Variants in ERC2 observed in about 807,000 individuals in gnomAD.
ERC2 encodes the protein ERC protein 2.
Under a neutral mutation model 114.8 loss-of-function variants are expected in ERC2, and 42 were observed. The ratio of observed to expected loss-of-function variants is 0.37; its 90% CI spans 0.29 to 0.47. The LOEUF is 0.47. Among genes scored for constraint, ERC2 ranks in the 20% least tolerant of loss-of-function variants. The pLI is 0.99. For synonymous variants in ERC2, 454 were observed against 425.5 expected (o/e 1.07, Z -0.82); for missense variants, 939 against 1,150.7 (o/e 0.82, Z 2.66).
At chr3:55,917,288 A>G (rs1396445173) in intron 13 of ERC2, among the ~76,000 whole-genome samples, 2 of 152,326 alleles carry the variant, frequency 1.3e-5, no homozygotes, top group African/African-American at 4.8e-5. Context: ...CTTGTTAATG[A>G]ATGTTCATAG....
At chr3:55,589,448 C>T (rs1401097990) in intron 17 of ERC2, among the ~76,000 whole-genome samples, 2 of 152,090 alleles carry the variant, frequency 1.3e-5, no homozygotes, top group South Asian at 4.1e-4. Context: ...CATGACTACA[C>T]GGGGAATGTT....
chr3:55,830,865 C>A (rs201496016), intron 14 of ERC2, among the ~76,000 whole-genome samples: 2 of 152,000 alleles, frequency 1.3e-5, no homozygotes, highest in East Asian at 3.9e-4. Flanking sequence ...GATCCCTTGA[C>A]CCCAGGAATT....
In ERC2 at chr3:56,296,304, A is replaced by G; in HGVS notation, c.789T>C (p.Phe263=). ...HFTIELTEEN[F]RRLQAEHDRQ... ...TGTCATGCTCGGCTTGGAGCCGCCT[A>G]AAGTTCTCCTCGGTCAGCTCGATGG... The change falls in exon 3 of 18, where the codon TTT becomes TTC. Residue 263 remains phenylalanine (F), a synonymous_variant. Coordinates refer to ENST00000288221, the MANE Select transcript of ERC2 (RefSeq NM_015576.3). 1.2e-6 allele frequency: 2 copies of G among 1,613,990 alleles called. No individual in the cohort carries two copies. The highest frequency in any genetic ancestry group is 8.5e-7 in the Non-Finnish European group (1 of 1,179,882).
At chr3:55,705,222 T>A (rs927099487) in intron 15 of ERC2, among the ~76,000 whole-genome samples, 4 of 152,154 alleles carry the variant, frequency 2.6e-5, no homozygotes, top group African/African-American at 9.7e-5. Context: ...GGCAGAGGCA[T>A]CAAATAAGGC....
In ERC2 at chr3:55,997,016, A is replaced by T. The variant is rs564164065; in HGVS notation, c.2062-4766T>A. 1.6e-4 allele frequency among the ~76,000 whole-genome samples: 25 copies of T among 152,320 alleles called. No homozygotes were observed. The South Asian group carries it at 3.1e-3, about 19-fold the overall frequency. ...TTTCCAATAAAATGGCAGTTCATCA[A>T]TCCAGATCCCTAGAAAGGAAAGTAT... On this transcript the variant is annotated intron_variant, in intron 10 of 17. Coordinates refer to ENST00000288221, the MANE Select transcript of ERC2 (RefSeq NM_015576.3).
chr3:55,692,143 A>G (rs905809241), intron 16 of ERC2, among the ~76,000 whole-genome samples: 1 of 152,200 alleles, frequency 6.6e-6, no homozygotes, highest in African/African-American at 2.4e-5. Flanking sequence ...CAGAGTTCAA[A>G]GGGCTGCACA....
chr3:55,555,394 G>A (rs1030930553), intron 17 of ERC2, among the ~76,000 whole-genome samples: 1 of 152,186 alleles, frequency 6.6e-6, no homozygotes, highest in African/African-American at 2.4e-5. Context: ...CAAGACCTGG[G>A]TGAGGAAACA....
intron 17 of ERC2, among the ~76,000 whole-genome samples, chr3:55,572,431 C>A (rs756352168): frequency 7.9e-5 from 12 of 152,190 alleles, no homozygotes; most frequent in Non-Finnish European, 1.8e-4. Context: ...CCCATGTAGG[C>A]AACAAAAAGA....
In ERC2 at chr3:55,537,324, T is replaced by A. The variant is rs558099362; in HGVS notation, c.*40-26048A>T. Reference sequence around the variant, plus strand: ...GGAGCATAGAGGTGGAAGACGATGGTTTCCCCCCCTGAAGTGACAGACTCC... The same window carrying A: ...GGAGCATAGAGGTGGAAGACGATGGATTCCCCCCCTGAAGTGACAGACTCC... On this transcript the variant is annotated intron_variant, in intron 17 of 17. Coordinates refer to ENST00000288221, the MANE Select transcript of ERC2 (RefSeq NM_015576.3). Among the ~76,000 whole-genome samples the A allele has an allele frequency of 1.0e-3, 159 of 152,336 alleles. 1 individual carries two copies. Among genetic ancestry groups the A allele is most frequent in the Non-Finnish European group, 1.8e-3 (120 of 68,026 alleles).
At chr3:55,543,745 G>A (rs574867713) in intron 17 of ERC2, among the ~76,000 whole-genome samples, 1 of 152,148 alleles carries the variant, frequency 6.6e-6, no homozygotes, top group East Asian at 1.9e-4. Flanking sequence ...GGATCTCCTC[G>A]TTCCTGCTGC....
At chr3:55,971,595 T>C (rs1029864123) in intron 12 of ERC2, among the ~76,000 whole-genome samples, 1 of 152,044 alleles carries the variant, frequency 6.6e-6, no homozygotes, top group Non-Finnish European at 1.5e-5. Context: ...GTCAGTAACA[T>C]ATAGATTGGG....
chr3:55,734,751 T>C lies in ERC2; in HGVS notation c.2712+20A>G, dbSNP rs1246058090. On this transcript the variant is annotated intron_variant, in intron 15 of 17. Transcript: ENST00000288221. Reference sequence around the variant, plus strand: ...AGCCCCAAACCCAGAAAAACACACCTGTCTTGCAGGAGGCCCCACCTGCTG... The same window carrying C: ...AGCCCCAAACCCAGAAAAACACACCCGTCTTGCAGGAGGCCCCACCTGCTG... The C allele has an allele frequency of 6.3e-7, 1 of 1,593,036 alleles. No individual in the cohort carries two copies. Among genetic ancestry groups the C allele is most frequent in the Non-Finnish European group, 8.5e-7 (1 of 1,170,172 alleles).
chr3:55,773,521 A>G (rs1402841873), intron 14 of ERC2, among the ~76,000 whole-genome samples: 1 of 152,244 alleles, frequency 6.6e-6, no homozygotes, highest in Non-Finnish European at 1.5e-5. Flanking sequence ...TTTTTGACCT[A>G]TCCACATGCC....
intron 14 of ERC2, among the ~76,000 whole-genome samples, chr3:55,869,267 T>C (rs1479285706): frequency 6.6e-6 from 1 of 152,150 alleles, no homozygotes; most frequent in Non-Finnish European, 1.5e-5. Context: ...GGGGAACCTA[T>C]TTGTCTTAAG....
intron 3 of ERC2, among the ~76,000 whole-genome samples, chr3:56,207,856 A>G (rs2048832682): frequency 6.6e-6 from 1 of 152,168 alleles, no homozygotes; most frequent in Non-Finnish European, 1.5e-5. Context: ...TGAAGTTTGA[A>G]GGTTATACTT....
chr3:56,146,522 A>G (rs1424277534), intron 5 of ERC2, among the ~76,000 whole-genome samples: 1 of 152,192 alleles, frequency 6.6e-6, no homozygotes, highest in Non-Finnish European at 1.5e-5. Flanking sequence ...CATTTTTCTC[A>G]TTAGTCAAGT....
chr3:55,720,104 C>CCCT (rs1169565307), intron 15 of ERC2, among the ~76,000 whole-genome samples: 1 of 27,592 alleles, frequency 3.6e-5, no homozygotes, highest in African/African-American at 1.3e-4. Flanking sequence ...CCTCCCATCC[C>CCCT]CCTCCTCCTC....
chr3:56,166,841 A>G (rs2082347023), intron 4 of ERC2, among the ~76,000 whole-genome samples: 2 of 152,174 alleles, frequency 1.3e-5, no homozygotes, highest in South Asian at 2.1e-4. Context: ...AAAAAACAGC[A>G]TTTAGTTTTG....
intron 17 of ERC2, among the ~76,000 whole-genome samples, chr3:55,620,504 G>A (rs1575799262): frequency 6.6e-6 from 1 of 152,148 alleles, no homozygotes; most frequent in Non-Finnish European, 1.5e-5. Context: ...TGCACATTCC[G>A]GAGAAGGATC....
Sources: allele counts gnomAD v4.1 joint callset (sites outside exome capture counted in the v4.1 genomes callset), GRCh38; gene constraint gnomAD v4.1.1; transcripts MANE v1.5; gene names NCBI Gene and HGNC (gene_info 2026-07-23, HGNC 2026-07-21).